The following MED13 variants were observed in gnomAD, a reference collection of about 807,000 sequenced individuals.
MED13 encodes mediator of RNA polymerase II transcription subunit 13.
In MED13, 23 loss-of-function variants were observed where a neutral mutation model predicts 225.2. The observed-to-expected ratio is 0.10, with a 90% CI of 0.07 to 0.14. The LOEUF is 0.14. Among genes scored for constraint, MED13 ranks in the 10% least tolerant of loss-of-function variants. The pLI is 1.00. For missense variants in MED13, 2,197 were observed against 2,594.5 expected, an observed-to-expected ratio of 0.85 and a Z score of 3.33; for synonymous variants, 942 against 889.2, an observed-to-expected ratio of 1.06 and a Z score of -1.06.
chr17:61,964,351 T>C (rs887355010), intron 20 of MED13, among the ~76,000 whole-genome samples: 1 of 152,112 alleles, frequency 6.6e-6, no homozygotes, highest in Non-Finnish European at 1.5e-5. Context: ...GGCAGGCAGA[T>C]TGCTGAGTCC....
Position 61,962,970 on chromosome 17 carries a change from T to A in MED13, c.4846A>T (p.Thr1616Ser). The A allele has an allele frequency of 6.2e-7, 1 of 1,613,822 alleles. No individual in the cohort carries two copies. Among genetic ancestry groups the A allele is most frequent in the Non-Finnish European group, 8.5e-7 (1 of 1,179,884 alleles). Reference sequence around the variant, plus strand: ...ATTCCCACTTTATCCCGATCCATCGTGCTAAAATTTAAGGTAGAAATGAGA... The same window carrying A: ...ATTCCCACTTTATCCCGATCCATCGAGCTAAAATTTAAGGTAGAAATGAGA... The part of the protein sequence containing the change: ...TQPHPDVSES[T>S]MDRDKVGIPT... Residue 1616 changes from threonine (T) to serine (S), a missense_variant and splice_region_variant, in exon 21 of 30, where the codon ACG (threonine) becomes TCG (serine). Around this residue, in one of 12 missense-constraint regions of MED13, gnomAD observed 457 missense variants for 442.2 expected, o/e 1.03. Coordinates refer to ENST00000397786, the MANE Select transcript of MED13 (RefSeq NM_005121.3).
rs190007352 is a variant in MED13 at position 62,031,151 on chromosome 17, G to C, written c.1009+293C>G. The C allele has an allele frequency of 2.9e-4, 64 of 218,400 alleles. 1 individual carries two copies. The East Asian group carries it at 5.4e-3, about 18-fold the overall frequency. 13.5% of individuals were successfully genotyped at this position (218,400 alleles called of 1,614,324 possible). On this transcript the variant is annotated intron_variant, in intron 6 of 29. Coordinates refer to ENST00000397786, the MANE Select transcript of MED13 (RefSeq NM_005121.3). Reference sequence around the variant, plus strand: ...AGGATCGAGTAATAGTTGTATAGGAGAGTGTCCTTAATTCTGGGAAACACA... The same window carrying C: ...AGGATCGAGTAATAGTTGTATAGGACAGTGTCCTTAATTCTGGGAAACACA...
chr17:62,029,742 TTA>T, intron 7 of MED13, 91 bp from the exon 8 acceptor site: 5 of 1,508,976 alleles, frequency 3.3e-6, no homozygotes, highest in South Asian at 2.4e-5. Flanking sequence ...AAGATCAACA[TTA>T]TGAGTTAAAG....
At chr17:61,983,152 A>G (rs768830134) in intron 15 of MED13, 38 bp from the exon 16 acceptor site, 26 of 1,443,000 alleles carry the variant, frequency 1.8e-5, no homozygotes, top group Non-Finnish European at 2.4e-5. Flanking sequence ...AAATATATAT[A>G]TAAAGGAACA....
chr17:62,033,828 T>A lies in MED13; in HGVS notation c.773A>T (p.Asp258Val). The A allele has an allele frequency of 6.2e-7, 1 of 1,614,118 alleles. No individual in the cohort carries two copies. Among genetic ancestry groups the A allele is most frequent in the Non-Finnish European group, 8.5e-7 (1 of 1,180,000 alleles). The change falls in exon 5 of 30, where the codon GAT becomes GTT. Residue 258 changes from aspartate (D) to valine (V), a missense_variant. Coordinates refer to ENST00000397786, the MANE Select transcript of MED13 (RefSeq NM_005121.3). ...EMSEEKQEDM[D>V]WEDDSLAAVE... ...TGCAGCTAAAGAATCATCTTCCCAATCCATATCTTCCTGTTTTTCTTCAGA... is the reference window on the plus strand; with the variant it reads ...TGCAGCTAAAGAATCATCTTCCCAAACCATATCTTCCTGTTTTTCTTCAGA...
At chr17:61,969,808 G>GC (rs2080091432) in intron 17 of MED13, among the ~76,000 whole-genome samples, 1 of 151,986 alleles carries the variant, frequency 6.6e-6, no homozygotes, top group African/African-American at 2.4e-5. Context: ...CACCATGTTG[G>GC]CCAGGCTGGT....
chr17:62,008,089 G>A (rs1232496056), intron 9 of MED13, among the ~76,000 whole-genome samples: 19 of 149,694 alleles, frequency 1.3e-4, no homozygotes, highest in Non-Finnish European at 2.4e-4. Context: ...AGGCCGGGGC[G>A]GGCGGATCAT....
At chr17:62,051,473 T>C (rs541213599) in intron 3 of MED13, among the ~76,000 whole-genome samples, 2 of 152,330 alleles carry the variant, frequency 1.3e-5, no homozygotes, top group South Asian at 2.1e-4. Context: ...AAGTAGTTAA[T>C]GTTGTTCTGT....
chr17:62,064,845 G>A (rs1002184293), intron 1 of MED13, among the ~76,000 whole-genome samples: 10 of 152,198 alleles, frequency 6.6e-5, no homozygotes, highest in Admixed American at 3.3e-4. Flanking sequence ...AGACAAGAGG[G>A]AAAGGTTACT....
At chr17:61,969,285 G>C (rs906503827) in intron 17 of MED13, among the ~76,000 whole-genome samples, 1 of 152,114 alleles carries the variant, frequency 6.6e-6, no homozygotes, top group Admixed American at 6.5e-5. Flanking sequence ...CCAGGGGGTG[G>C]AGGTTGCGGT....
At chr17:61,967,893 T>C (rs1603393514) in intron 18 of MED13, 142 bp downstream of exon 18, 2 of 658,618 alleles carry the variant, frequency 3.0e-6, no homozygotes, top group Non-Finnish European at 5.1e-6. Flanking sequence ...CAGCAAAGAA[T>C]GTAACTGGCT....
intron 9 of MED13, 78 bp from the exon 10 acceptor site, chr17:61,995,443 GT>G (rs2080339146): frequency 1.1e-5 from 11 of 966,104 alleles, no homozygotes; most frequent in South Asian, 1.9e-5. Context: ...GTATCATAAT[GT>G]TTTTAGAATT....
intron 21 of MED13, 62 bp from the exon 22 acceptor site, chr17:61,961,841 G>T: frequency 6.8e-7 from 1 of 1,478,190 alleles, no homozygotes. Context: ...CAGGAACTGT[G>T]GGTCTAAAAC....
intron 6 of MED13, 149 bp downstream of exon 6, chr17:62,031,295 G>T: frequency 1.5e-6 from 1 of 664,532 alleles, no homozygotes; most frequent in Non-Finnish European, 2.4e-6. Flanking sequence ...AATAATAACA[G>T]TTTGGAAATA....
At chr17:61,996,151 T>TA (rs760761554) in intron 9 of MED13, among the ~76,000 whole-genome samples, 63 of 152,106 alleles carry the variant, frequency 4.1e-4, no homozygotes, top group Non-Finnish European at 7.1e-4. Flanking sequence ...AATCTAAGGA[T>TA]AAAAGAGGGA....
intron 2 of MED13, among the ~76,000 whole-genome samples, chr17:62,057,509 T>G (rs2081005040): frequency 6.6e-6 from 1 of 152,140 alleles, no homozygotes; most frequent in African/African-American, 2.4e-5. Context: ...TTTACAATAG[T>G]AGAAATAAAT....
chr17:61,968,963 G>A (rs775787791), intron 17 of MED13, among the ~76,000 whole-genome samples: 12 of 151,538 alleles, frequency 7.9e-5, no homozygotes, highest in African/African-American at 2.9e-4. Flanking sequence ...TGTTGCCCAG[G>A]GTGGACTCAA....
intron 11 of MED13, 89 bp from the exon 12 acceptor site, chr17:61,987,217 A>T (rs2080255385): frequency 1.2e-6 from 1 of 806,000 alleles, no homozygotes. Context: ...AGGGTGGATC[A>T]CGAGGTCAGG....
intron 23 of MED13, among the ~76,000 whole-genome samples, chr17:61,959,142 TA>T (rs1469337988): frequency 6.6e-6 from 1 of 152,168 alleles, no homozygotes; most frequent in African/African-American, 2.4e-5. Context: ...TAGCTGGGAT[TA>T]AAGGCATATG....
Sources: allele counts gnomAD v4.1 joint callset (sites outside exome capture counted in the v4.1 genomes callset), GRCh38; gene constraint gnomAD v4.1.1; regional missense constraint gnomAD v4.1.1; transcripts MANE v1.5; gene names NCBI Gene and HGNC (gene_info 2026-07-23, HGNC 2026-07-21).